PDE1C: variants seen among roughly 807,000 people sequenced by gnomAD.
The protein encoded by PDE1C is dual specificity calcium/calmodulin-dependent 3',5'-cyclic nucleotide phosphodiesterase 1C.
PDE1C carries 62 observed loss-of-function variants against 93.1 expected under a neutral mutation model. That is an observed-to-expected ratio of 0.67 (90% CI 0.54 to 0.82). The LOEUF (loss-of-function observed/expected upper bound fraction) is 0.82. Ranked by LOEUF, PDE1C falls within the 40% of genes least tolerant of loss-of-function variation. The pLI is 0.00. For synonymous variants in PDE1C, 325 were observed against 310.1 expected, an observed-to-expected ratio of 1.05 and a Z score of -0.50; for missense variants, 742 against 884.6, an observed-to-expected ratio of 0.84 and a Z score of 2.04.
intron 1 of PDE1C, among the ~76,000 whole-genome samples, chr7:32,284,785 C>T (rs1478106120): frequency 6.6e-6 from 1 of 152,186 alleles, no homozygotes; most frequent in Non-Finnish European, 1.5e-5. Flanking sequence ...GTAATCCCAG[C>T]ACTTTGGGAG....
intron 1 of PDE1C, among the ~76,000 whole-genome samples, chr7:32,291,605 T>C (rs909114195): frequency 6.6e-6 from 1 of 152,258 alleles, no homozygotes; most frequent in African/African-American, 2.4e-5. Flanking sequence ...AAGAAAACTG[T>C]ACAATGCTGT....
At position 32,145,364 on chromosome 7, in the gene PDE1C, C is replaced by T. The variant is rs377024635; in HGVS notation, c.308+24421G>A. Among the ~76,000 whole-genome samples the T allele has an allele frequency of 6.6e-5, 10 of 152,252 alleles. 3 individuals carry two copies. ...AATGATGCTTCAGGTTTAGCTGACACGTTCCAGACCATCCATTCTCACACC... is the reference window on the plus strand; with the variant it reads ...AATGATGCTTCAGGTTTAGCTGACATGTTCCAGACCATCCATTCTCACACC... On this transcript the variant is annotated intron_variant, in intron 3 of 18. Transcript: ENST00000396193.
At chr7:32,411,287 C>T (rs560710623) in intron 1 of PDE1C, among the ~76,000 whole-genome samples, 180 of 152,214 alleles carry the variant, frequency 1.2e-3, no homozygotes, top group Non-Finnish European at 2.1e-3. Context: ...AGCGATTAGG[C>T]GATTTCATTA....
At chr7:32,026,802 C>G (rs1451222232) in intron 2 of PDE1C, among the ~76,000 whole-genome samples, 1 of 151,924 alleles carries the variant, frequency 6.6e-6, no homozygotes, top group African/African-American at 2.4e-5. Context: ...TGTGGTACAT[C>G]TAGACAGTGG....
At chr7:31,857,077 A>T (rs1409792736) in intron 7 of PDE1C, among the ~76,000 whole-genome samples, 1 of 152,094 alleles carries the variant, frequency 6.6e-6, no homozygotes, top group Non-Finnish European at 1.5e-5. Context: ...TTTTACCTTA[A>T]TACCTCTTCA....
chr7:32,374,069 A>AGAGGGAG (rs1784376868), intron 1 of PDE1C, among the ~76,000 whole-genome samples: 2 of 66,666 alleles, frequency 3.0e-5, no homozygotes, highest in Non-Finnish European at 2.6e-5. Context: ...TAGGCAGGAA[A>AGAGGGAG]GAGGGAGGAG....
chr7:32,375,734 C>A (rs215715), intron 1 of PDE1C, among the ~76,000 whole-genome samples: 1 of 152,196 alleles, frequency 6.6e-6, no homozygotes, highest in African/African-American at 2.4e-5. Context: ...GCTTGATGGC[C>A]TGGGCCAGTG....
chr7:31,790,396 T>C (rs570211613), intron 16 of PDE1C: 6 of 679,316 alleles, frequency 8.8e-6, no homozygotes, highest in Non-Finnish European at 1.5e-5. Flanking sequence ...TCCATACTGG[T>C]CATTGCTGTC....
chr7:31,814,019 C>CGTGTGTGTGT (rs147151538), intron 15 of PDE1C, among the ~76,000 whole-genome samples: 1 of 149,396 alleles, frequency 6.7e-6, no homozygotes, highest in Admixed American at 6.7e-5. Context: ...AGTATTCCAT[C>CGTGTGTGTGT]GTGTGTGTGT....
At chr7:32,135,618 T>C (rs1800162427) in intron 3 of PDE1C, among the ~76,000 whole-genome samples, 1 of 152,180 alleles carries the variant, frequency 6.6e-6, no homozygotes, top group East Asian at 1.9e-4. Context: ...GGGATAAATG[T>C]TGGCAAGGGT....
At chr7:32,038,420 T>C (rs774162259) in intron 2 of PDE1C, among the ~76,000 whole-genome samples, 10 of 152,166 alleles carry the variant, frequency 6.6e-5, no homozygotes, top group Non-Finnish European at 8.8e-5. Flanking sequence ...TTAATTTTTA[T>C]TGGGAGGGCA....
chr7:31,816,203 C>T (rs758123854), intron 14 of PDE1C, 49 bp from the exon 15 acceptor site: 1 of 1,555,988 alleles, frequency 6.4e-7, no homozygotes, highest in Non-Finnish European at 8.8e-7. Context: ...AAAAAGAGGT[C>T]ATGCCGTTAG....
intron 7 of PDE1C, among the ~76,000 whole-genome samples, chr7:31,861,715 T>G (rs1285413670): frequency 1.3e-5 from 2 of 152,148 alleles, no homozygotes; most frequent in African/African-American, 4.8e-5. Context: ...CCCAGCAGCA[T>G]CCTTCCTAGT....
chr7:31,646,143 T>G, the PDE1C span, among the ~76,000 whole-genome samples: 1 of 152,168 alleles, frequency 6.6e-6, no homozygotes, highest in Non-Finnish European at 1.5e-5. Context: ...TAAGTCATAT[T>G]TAGTTGTCTA....
At chr7:31,703,319 G>A in the PDE1C span, among the ~76,000 whole-genome samples, 1 of 152,162 alleles carries the variant, frequency 6.6e-6, no homozygotes, top group Non-Finnish European at 1.5e-5. Flanking sequence ...ACAGCCTAAC[G>A]GGTTGAGCTC....
At chr7:31,714,473 G>A in the PDE1C span, among the ~76,000 whole-genome samples, 9 of 152,256 alleles carry the variant, frequency 5.9e-5, no homozygotes, top group African/African-American at 2.2e-4. Context: ...ACCCCTACCT[G>A]TTACCCAGTT....
chr7:31,836,999 A>G (rs1479345091), intron 11 of PDE1C, among the ~76,000 whole-genome samples, 181 bp downstream of exon 11: 2 of 152,216 alleles, frequency 1.3e-5, no homozygotes, highest in East Asian at 1.9e-4. Context: ...ATGTCCTAAA[A>G]AGCAGTATTT....
At chr7:31,901,694 A>G (rs1366465188) in intron 2 of PDE1C, among the ~76,000 whole-genome samples, 1 of 151,442 alleles carries the variant, frequency 6.6e-6, no homozygotes, top group Admixed American at 6.6e-5. Context: ...AAGTAATTTT[A>G]TGTCTTGTCC....
the PDE1C span, among the ~76,000 whole-genome samples, chr7:31,705,097 A>G: frequency 3.3e-5 from 5 of 152,310 alleles, no homozygotes; most frequent in East Asian, 7.7e-4. Context: ...TTCACCCTCT[A>G]CTTGAAATTA....
Sources: allele counts gnomAD v4.1 joint callset (sites outside exome capture counted in the v4.1 genomes callset), GRCh38; gene constraint gnomAD v4.1.1; transcripts MANE v1.5; gene names NCBI Gene and HGNC (gene_info 2026-07-23, HGNC 2026-07-21).